The following CHSY1 variants were observed in gnomAD, a reference collection of about 807,000 sequenced individuals.
CHSY1 encodes the protein N-acetylgalactosaminyl-proteoglycan 3-beta-glucuronosyltransferase 1.
CHSY1 carries 13 observed loss-of-function variants against 59.8 expected under a neutral mutation model. The ratio of observed to expected loss-of-function variants is 0.22; its 90% CI spans 0.14 to 0.35. The LOEUF (loss-of-function observed/expected upper bound fraction) is 0.35. CHSY1 is among the 10% of genes least tolerant of loss of function. The pLI, the probability that CHSY1 is intolerant of heterozygous loss-of-function variation, is 1.00. For synonymous variants in CHSY1, 459 were observed against 401.2 expected, an observed-to-expected ratio of 1.14 and a Z score of -1.72; for missense variants, 947 against 1,030.6, an observed-to-expected ratio of 0.92 and a Z score of 1.11.
intron 1 of CHSY1, among the ~76,000 whole-genome samples, chr15:101,250,663 TGA>T (rs1396881467): frequency 6.6e-6 from 1 of 152,176 alleles, no homozygotes; most frequent in Non-Finnish European, 1.5e-5. Context: ...CTGCGAAATG[TGA>T]GAGTATGATG....
In CHSY1 at chr15:101,188,027, T is replaced by C; in HGVS notation, c.817-9047A>G. The C allele has an allele frequency of 3.0e-6, 3 of 985,460 alleles. No homozygotes were observed. The South Asian group carries it at 1.4e-4, about 46-fold the overall frequency. The allele number at this position is 985,460 out of a possible 1,614,324, so 61.0% of individuals were successfully genotyped here. A position where few individuals can be genotyped will look rare whatever the true frequency, so the allele number is the denominator to read the frequency against. ...TCTTCATTAGCAAATGTCCTTCTTG[T>C]CCGCTGCAAGGAGAGCCAACATTCT... is the stretch of plus-strand genomic sequence containing the variant. On this transcript the variant is annotated intron_variant, in intron 2 of 2. Coordinates refer to ENST00000254190, the MANE Select transcript of CHSY1 (RefSeq NM_014918.5).
intron 2 of CHSY1, among the ~76,000 whole-genome samples, chr15:101,234,110 C>T (rs1035720683): frequency 6.6e-5 from 10 of 152,184 alleles, no homozygotes. Flanking sequence ...CAAAGCCAGT[C>T]CATCTTCTCT....
chr15:101,220,798 G>A (rs67228299), intron 2 of CHSY1, among the ~76,000 whole-genome samples: 54,401 of 152,148 alleles, frequency 0.36, 12,845 homozygotes, highest in African/African-American at 0.68. Context: ...AGTCATGGAC[G>A]TAATCACTGC....
At position 101,178,717 on chromosome 15, in the gene CHSY1, G is replaced by A. The variant is rs762476576; in HGVS notation, c.1080C>T (p.Pro360=). ...HKEDLQLGIP[P]SFMRFQPRQR... ...GGCGGGGCTGAAACCTCATGAAGGA[G>A]GGAGGGATTCCCAGCTGGAGGTCCT... Residue 360 remains proline, a synonymous_variant, in exon 3 of 3, where the codon CCC becomes CCT. Transcript: ENST00000254190. The A allele has an allele frequency of 1.2e-6, 2 of 1,614,130 alleles. No individual in the cohort carries two copies. Among genetic ancestry groups the A allele is most frequent in the Non-Finnish European group, 1.7e-6 (2 of 1,180,050 alleles).
intron 2 of CHSY1, among the ~76,000 whole-genome samples, chr15:101,230,059 A>G (rs1460876391): frequency 6.6e-6 from 1 of 150,828 alleles, no homozygotes; most frequent in South Asian, 2.1e-4. Flanking sequence ...CTCCTGCCTC[A>G]GCCTCCAGAG....
At chr15:101,237,565 G>A (rs565998425) in intron 1 of CHSY1, among the ~76,000 whole-genome samples, 1 of 152,244 alleles carries the variant, frequency 6.6e-6, no homozygotes, top group East Asian at 1.9e-4. Flanking sequence ...TCGACAGAGG[G>A]AAGATGAGTG....
chr15:101,249,277 A>G (rs2039083008), intron 1 of CHSY1, among the ~76,000 whole-genome samples: 1 of 151,692 alleles, frequency 6.6e-6, no homozygotes, highest in South Asian at 2.1e-4. Context: ...CTGTGATTTC[A>G]CATGGTCTAT....
intron 1 of CHSY1, 72 bp downstream of exon 1, chr15:101,251,065 A>C: frequency 1.4e-6 from 2 of 1,419,482 alleles, no homozygotes; most frequent in South Asian, 1.2e-5. Flanking sequence ...GGCGAGAGCC[A>C]GGAGAGCACC....
intron 2 of CHSY1, among the ~76,000 whole-genome samples, chr15:101,206,616 A>G (rs2038629288): frequency 6.6e-6 from 1 of 152,250 alleles, no homozygotes; most frequent in Admixed American, 6.5e-5. Context: ...GCACCAAAAG[A>G]AAGTAAACTG....
chr15:101,217,953 A>G (rs2038751126), intron 2 of CHSY1, among the ~76,000 whole-genome samples: 1 of 152,206 alleles, frequency 6.6e-6, no homozygotes, highest in Non-Finnish European at 1.5e-5. Flanking sequence ...CAGTCAAGTG[A>G]TCAAGGTCAA....
chr15:101,179,290 G>A (rs2038242766), intron 2 of CHSY1, among the ~76,000 whole-genome samples: 1 of 152,200 alleles, frequency 6.6e-6, no homozygotes, highest in Non-Finnish European at 1.5e-5. Flanking sequence ...GAGCATGCCT[G>A]AAAGATAAAG....
At chr15:101,186,016 C>A (rs2141243320) in intron 2 of CHSY1, among the ~76,000 whole-genome samples, 2 of 151,882 alleles carry the variant, frequency 1.3e-5, no homozygotes, top group Middle Eastern at 3.4e-3. Context: ...AGGCAATTTC[C>A]TGCATTCAAC....
chr15:101,234,943 T>C (rs1435010996), intron 2 of CHSY1, 139 bp downstream of exon 2: 6 of 1,130,406 alleles, frequency 5.3e-6, no homozygotes, highest in South Asian at 1.4e-5. Context: ...TTTTTTTTAA[T>C]CTAAGGCTAA....
intron 1 of CHSY1, among the ~76,000 whole-genome samples, chr15:101,239,243 C>T (rs747759219): frequency 6.6e-6 from 1 of 152,222 alleles, no homozygotes; most frequent in African/African-American, 2.4e-5. Context: ...CTTAATGGTG[C>T]CACACGTGTT....
chr15:101,251,115 T>A, intron 1 of CHSY1, 22 bp downstream of exon 1: 1 of 1,554,884 alleles, frequency 6.4e-7, no homozygotes, highest in Non-Finnish European at 8.7e-7. Flanking sequence ...CAGGAGGCGG[T>A]GCCCGGGGAG....
intron 1 of CHSY1, among the ~76,000 whole-genome samples, chr15:101,248,809 C>T (rs1017351569): frequency 9.9e-5 from 15 of 152,070 alleles, no homozygotes; most frequent in Non-Finnish European, 7.4e-5. Flanking sequence ...TTTTTTGAGA[C>T]GGAGTCTTGC....
intron 2 of CHSY1, among the ~76,000 whole-genome samples, chr15:101,222,048 C>G (rs2038794300): frequency 6.6e-6 from 1 of 152,148 alleles, no homozygotes; most frequent in African/African-American, 2.4e-5. Context: ...GGTACCATTA[C>G]AAATTTTTTA....
chr15:101,198,571 G>A (rs1286762716), intron 2 of CHSY1, among the ~76,000 whole-genome samples: 7 of 152,192 alleles, frequency 4.6e-5, no homozygotes, highest in African/African-American at 1.7e-4. Context: ...ATTATCTCAT[G>A]TCATCGCATG....
At chr15:101,237,093 G>A (rs1159522935) in intron 1 of CHSY1, among the ~76,000 whole-genome samples, 4 of 151,232 alleles carry the variant, frequency 2.6e-5, no homozygotes, top group African/African-American at 9.7e-5. Context: ...GCATGGTGGC[G>A]TGTGCCTGTA....
Sources: allele counts gnomAD v4.1 joint callset (sites outside exome capture counted in the v4.1 genomes callset), GRCh38; gene constraint gnomAD v4.1.1; transcripts MANE v1.5; gene names NCBI Gene and HGNC (gene_info 2026-07-23, HGNC 2026-07-21).